WDR47: variants seen among roughly 807,000 people sequenced by gnomAD.
The protein encoded by WDR47 is WD repeat domain 47.
Under a neutral mutation model 97.2 loss-of-function variants are expected in WDR47, and 32 were observed. The ratio of observed to expected loss-of-function variants is 0.33; its 90% CI spans 0.25 to 0.44. The LOEUF (loss-of-function observed/expected upper bound fraction) is 0.44, where lower values mean the gene tolerates loss of function less well. Among genes scored for constraint, WDR47 ranks in the 20% least tolerant of loss-of-function variants. The probability of loss-of-function intolerance (pLI) is 1.00; values close to 1 mark genes in which losing one functional copy is unlikely to be tolerated. For missense variants in WDR47, 782 were observed against 1,102.3 expected (o/e 0.71, Z 4.11); for synonymous variants, 375 against 373.5 (o/e 1.00, Z -0.05).
rs771665657 is a variant in WDR47 at position 109,002,349 on chromosome 1, A to G, written c.1308T>C (p.Tyr436=). Residue 436 remains tyrosine (Y), a synonymous_variant, in exon 7 of 15, where the codon TAT becomes TAC. Transcript: ENST00000369962. The stretch of plus-strand genomic sequence containing the variant: ...GCTCCTTCTGTTCTAAATGCTGTTG[A>G]TAGCGTAATCTTTGCCTATAATATT... ...FQEYYRQRLR[Y]QQHLEQKEQQ... The G allele has an allele frequency of 6.2e-7, 1 of 1,612,276 alleles. No individual in the cohort carries two copies. Among genetic ancestry groups the G allele is most frequent in the Non-Finnish European group, 8.5e-7 (1 of 1,179,742 alleles).
chr1:109,014,013 A>G, intron 3 of WDR47, 88 bp from the exon 4 acceptor site: 1 of 892,796 alleles, frequency 1.1e-6, no homozygotes, highest in Non-Finnish European at 1.7e-6. Context: ...TTGCTTTAGG[A>G]AAATTATTCA....
At chr1:109,041,015 A>G (rs1355852727) in intron 1 of WDR47, among the ~76,000 whole-genome samples, 1 of 151,932 alleles carries the variant, frequency 6.6e-6, no homozygotes, top group Non-Finnish European at 1.5e-5. Flanking sequence ...TTGCCAAAAA[A>G]AAAAAACGGT....
intron 1 of WDR47, among the ~76,000 whole-genome samples, chr1:109,023,883 C>T (rs1200962227): frequency 1.3e-5 from 2 of 152,122 alleles, no homozygotes; most frequent in East Asian, 1.9e-4. Flanking sequence ...TTATATAATC[C>T]TGTCTACTCC....
rs184267639 is a variant in WDR47, at chr1:109,016,496, T to C, written c.242+1022A>G. ...CAGTAGGAAACATACCAAAATCTACTGTATAAACTTAGGTACCCATATCCC... is the reference window on the plus strand; with the variant it reads ...CAGTAGGAAACATACCAAAATCTACCGTATAAACTTAGGTACCCATATCCC... On this transcript the variant is annotated intron_variant, in intron 3 of 14. Coordinates refer to ENST00000369962, the MANE Select transcript of WDR47 (RefSeq NM_001142551.2). 1.1e-4 allele frequency among the ~76,000 whole-genome samples: 16 copies of C among 152,254 alleles called. No homozygotes were observed. In the East Asian group the frequency reaches 3.1e-3, roughly 29 times the overall value.
At position 109,023,539 on chromosome 1, in the gene WDR47, A is replaced by G. The variant is rs1353848919; in HGVS notation, c.-9-18T>C. On this transcript the variant is annotated intron_variant, in intron 1 of 14. Coordinates refer to ENST00000369962, the MANE Select transcript of WDR47 (RefSeq NM_001142551.2). ...TTGATAGCCTAAATATGAAACAGAA[A>G]AACAATAAAGCTAGTCCTATTGATT... is the stretch of plus-strand genomic sequence containing the variant. 6.2e-7 allele frequency: 1 copy of G among 1,605,778 alleles called. No individual in the cohort carries two copies. Among genetic ancestry groups the G allele is most frequent in the Non-Finnish European group, 8.5e-7 (1 of 1,175,458 alleles).
rs900736666 is a variant in WDR47, at chr1:108,986,825, CTATG to C, written c.1768-149_1768-146del. The C allele has an allele frequency of 4.5e-6, 3 of 665,970 alleles. No individual in the cohort carries two copies. The African/African-American group carries it at 5.5e-5, about 12-fold the overall frequency. 41.3% of individuals were successfully genotyped at this position (665,970 alleles called of 1,614,324 possible). The stretch of plus-strand genomic sequence containing the variant: ...TGCCAATAACCATATATTCTTTTCT[CTATG>C]TTTTTCTTACTTTATTAAATCTTAC... On this transcript the variant is annotated intron_variant, in intron 9 of 14. Transcript: ENST00000369962.
intron 12 of WDR47, 30 bp downstream of exon 12, chr1:108,982,577 GAA>G: frequency 6.4e-7 from 1 of 1,555,468 alleles, no homozygotes; most frequent in Non-Finnish European, 8.6e-7. Flanking sequence ...TGAACAAAAA[GAA>G]AAACAGCACT....
Position 108,986,650 on chromosome 1 carries a change from T to C in WDR47, c.1798A>G (p.Ile600Val), listed in dbSNP as rs369098385. 4.1e-5 allele frequency: 66 copies of C among 1,611,330 alleles called. No homozygotes were observed. The highest frequency in any genetic ancestry group is 1.0e-4 in the Admixed American group (6 of 59,414). ...GCTTGTGTGTCTTCTAGGATATTAA[T>C]ACAAACAAACTGCTTTTTTGATTTG... is the stretch of plus-strand genomic sequence containing the variant. ...DDKSKKQFVC[I>V]NILEDTQAVR... The change falls in exon 10 of 15, where the codon ATT becomes GTT. Residue 600 changes from isoleucine to valine, a missense_variant. Coordinates refer to ENST00000369962, the MANE Select transcript of WDR47 (RefSeq NM_001142551.2).
At chr1:109,008,250 CCCTATACATTTAT>C (rs928421740) in intron 5 of WDR47, among the ~76,000 whole-genome samples, 6 of 151,988 alleles carry the variant, frequency 3.9e-5, no homozygotes, top group Non-Finnish European at 8.8e-5. Context: ...GAAAAGGCTT[CCCTATACATTTAT>C]CCTATACTTC....
chr1:108,999,804 C>T (rs548943127), intron 7 of WDR47, among the ~76,000 whole-genome samples: 70 of 152,112 alleles, frequency 4.6e-4, no homozygotes, highest in Non-Finnish European at 7.9e-4. Context: ...AGGAGGGTCA[C>T]AGAACTTTGC....
At chr1:108,976,480 T>C (rs1483281937) in intron 13 of WDR47, among the ~76,000 whole-genome samples, 1 of 152,104 alleles carries the variant, frequency 6.6e-6, no homozygotes, top group Non-Finnish European at 1.5e-5. Context: ...TCTTCATTCG[T>C]TTACTCAAAA....
Position 108,995,853 on chromosome 1 carries a change from A to G in WDR47, c.1434-16T>C. 6.2e-7 allele frequency: 1 copy of G among 1,605,354 alleles called. No homozygotes were observed. The highest frequency in any genetic ancestry group is 8.5e-7 in the Non-Finnish European group (1 of 1,174,966). ...TTGAATGGACCTATAAAATTAAACAATGTAATCATTTTAAAATAAAAACTT... is the reference window on the plus strand; with the variant it reads ...TTGAATGGACCTATAAAATTAAACAGTGTAATCATTTTAAAATAAAAACTT... On this transcript the variant is annotated splice_polypyrimidine_tract_variant and intron_variant, in intron 7 of 14. Transcript: ENST00000369962.
Position 108,991,311 on chromosome 1 carries a change from G to T in WDR47, c.1710C>A (p.Val570=). The part of the protein sequence containing the change: ...CGSQISSEHS[V]IKPPLGDSPG... The stretch of plus-strand genomic sequence containing the variant: ...GAGAATCTCCAAGAGGTGGCTTAAT[G>T]ACCGAATGTTCTGAAGAGCTGTGGG... Residue 570 remains valine (V), a synonymous_variant, in exon 9 of 15, where the codon GTC becomes GTA. Transcript: ENST00000369962. 1 of 1,612,150 alleles carries T rather than the reference G, an allele frequency of 6.2e-7. No individual in the cohort carries two copies. Among genetic ancestry groups the T allele is most frequent in the South Asian group, 1.1e-5 (1 of 90,810 alleles).
In WDR47 at chr1:108,987,907, C is replaced by T. The variant is rs1410033368; in HGVS notation, c.1768-1227G>A. On this transcript the variant is annotated intron_variant, in intron 9 of 14. Transcript: ENST00000369962. ...CTAAACTAAGCTCAGTTCATAAACA[C>T]TCAAGTTTTTCTTCAATTATTAAGA... 2.0e-5 allele frequency among the ~76,000 whole-genome samples: 3 copies of T among 151,836 alleles called. No individual in the cohort carries two copies. In the East Asian group the frequency reaches 5.8e-4, roughly 29 times the overall value.
intron 5 of WDR47, among the ~76,000 whole-genome samples, chr1:109,008,066 C>T (rs918984765): frequency 2.6e-5 from 4 of 151,742 alleles, no homozygotes; most frequent in African/African-American, 9.7e-5. Flanking sequence ...CACGCCACTG[C>T]ACTCTAGCCT....
intron 5 of WDR47, 71 bp from the exon 6 acceptor site, chr1:109,004,786 G>T: frequency 1.4e-6 from 2 of 1,478,276 alleles, no homozygotes; most frequent in East Asian, 2.4e-5. Flanking sequence ...TTTAGTTAGA[G>T]AAATTTTATT....
chr1:108,978,322 C>T (rs1658081501), intron 13 of WDR47, among the ~76,000 whole-genome samples: 1 of 151,388 alleles, frequency 6.6e-6, no homozygotes, highest in Admixed American at 6.6e-5. Context: ...AAAAAATATA[C>T]AAAAAAATTA....
intron 7 of WDR47, among the ~76,000 whole-genome samples, chr1:108,999,559 C>T (rs954379816): frequency 1.3e-5 from 2 of 151,658 alleles, no homozygotes; most frequent in African/African-American, 4.8e-5. Flanking sequence ...TAAAAATTAG[C>T]TGCTTGTGGT....
chr1:109,032,457 G>A lies in WDR47; in HGVS notation c.-9-8936C>T, dbSNP rs1377190575. Among the ~76,000 whole-genome samples the A allele has an allele frequency of 4.6e-5, 6 of 130,052 alleles. 1 individual carries two copies. The East Asian group carries it at 1.4e-3, about 30-fold the overall frequency. The allele number at this position is 130,052 out of a possible 152,430, so 85.3% of individuals were successfully genotyped here. A position where few individuals can be genotyped will look rare whatever the true frequency, so the allele number is the denominator to read the frequency against. ...CGGGAGGTGGAGCTTGCAGTGAGCTGAGATCGCAGCACTGCACTCCAGCTT... is the reference window on the plus strand; with the variant it reads ...CGGGAGGTGGAGCTTGCAGTGAGCTAAGATCGCAGCACTGCACTCCAGCTT... On this transcript the variant is annotated intron_variant, in intron 1 of 14. Transcript: ENST00000369962.
Sources: gnomAD v4.1 joint callset for allele counts (sites outside exome capture counted in the v4.1 genomes callset) on GRCh38, gnomAD v4.1.1 for gene constraint, MANE v1.5 for transcripts, NCBI Gene and HGNC (gene_info 2026-07-23, HGNC 2026-07-21) for gene names.